The following KMT2C variants were observed in gnomAD, a reference collection of about 807,000 sequenced individuals.
KMT2C encodes the protein lysine methyltransferase 2C.
Under a neutral mutation model 507.9 loss-of-function variants are expected in KMT2C, and 88 were observed. That is an observed-to-expected ratio of 0.17 (90% CI 0.15 to 0.21). KMT2C has a LOEUF of 0.21. Ranked by LOEUF, KMT2C falls within the 10% of genes least tolerant of loss-of-function variation. The pLI is 1.00. For synonymous variants in KMT2C, 2,049 were observed against 2,080.8 expected, an observed-to-expected ratio of 0.98 and a Z score of 0.42; for missense variants, 4,954 against 5,957.8, an observed-to-expected ratio of 0.83 and a Z score of 5.55.
chr7:152,154,321 G>A lies in KMT2C; in HGVS notation c.12085C>T (p.Pro4029Ser), dbSNP rs759125529. ...ATGATGGGGGACGGCACCGGTTCTG[G>A]AGGCTCCTCCTTGACCAATGACAGA... is the stretch of plus-strand genomic sequence containing the variant. ...PDLSLVKEEPPEPVPSPIIPI... is the reference protein window; with the variant it reads ...PDLSLVKEEPSEPVPSPIIPI... Residue 4029 changes from proline to serine, a missense_variant, in exon 47 of 59, where the codon CCA (proline) becomes TCA (serine). This residue lies in a region of KMT2C where 417 missense variants were observed against 461.1 expected (regional missense o/e 0.90). Transcript: ENST00000262189. 1 of 1,614,180 alleles carries A rather than the reference G, an allele frequency of 6.2e-7. No individual in the cohort carries two copies. Among genetic ancestry groups the A allele is most frequent in the East Asian group, 2.2e-5 (1 of 44,882 alleles).
chr7:152,435,182 GC>G (rs1590047795), intron 1 of KMT2C, among the ~76,000 whole-genome samples: 2 of 152,100 alleles, frequency 1.3e-5, no homozygotes, highest in East Asian at 3.9e-4. Flanking sequence ...AGACCACCTG[GC>G]CCGGGCGTTT....
intron 6 of KMT2C, among the ~76,000 whole-genome samples, chr7:152,302,878 A>G (rs1221135925): frequency 1.3e-5 from 2 of 152,024 alleles, no homozygotes; most frequent in Non-Finnish European, 2.9e-5. Context: ...TCCTGACCTC[A>G]GGTGATCCAC....
chr7:152,166,826 T>G (rs2092751822), intron 42 of KMT2C, among the ~76,000 whole-genome samples: 1 of 152,218 alleles, frequency 6.6e-6, no homozygotes, highest in Admixed American at 6.5e-5. Flanking sequence ...TTTGCAGTGA[T>G]TTCTTAGTGC....
chr7:152,339,619 G>T (rs988939855), intron 2 of KMT2C, among the ~76,000 whole-genome samples: 1 of 151,888 alleles, frequency 6.6e-6, no homozygotes, highest in Admixed American at 6.6e-5. Context: ...AGAGTCCATG[G>T]ATTACATCAT....
chr7:152,242,266 G>A (rs187367410), intron 14 of KMT2C, among the ~76,000 whole-genome samples: 2 of 152,070 alleles, frequency 1.3e-5, no homozygotes, highest in Admixed American at 1.3e-4. Context: ...TTTCTGCTGA[G>A]CATCTATTAT....
intron 3 of KMT2C, among the ~76,000 whole-genome samples, chr7:152,318,764 G>C (rs1793455439): frequency 6.6e-6 from 1 of 151,986 alleles, no homozygotes; most frequent in Non-Finnish European, 1.5e-5. Flanking sequence ...AAGGAAGTTT[G>C]AGTGGCAATA....
At chr7:152,429,606 T>C (rs1414847518) in intron 1 of KMT2C, among the ~76,000 whole-genome samples, 2 of 151,788 alleles carry the variant, frequency 1.3e-5, no homozygotes, top group Non-Finnish European at 1.5e-5. Flanking sequence ...CTGCAACCTC[T>C]GCCTCCTGGG....
chr7:152,201,616 TG>T (rs1563370218), intron 26 of KMT2C, among the ~76,000 whole-genome samples: 1 of 10,686 alleles, frequency 9.4e-5, no homozygotes, highest in Non-Finnish European at 2.1e-4. Context: ...ACAACAAAGA[TG>T]AAAAAAAAAA....
intron 1 of KMT2C, among the ~76,000 whole-genome samples, chr7:152,364,629 A>AAAAAAAAAAAAG (rs1554679999): frequency 1.4e-5 from 2 of 147,652 alleles, no homozygotes; most frequent in African/African-American, 5.2e-5. Context: ...AAGAAAAGAA[A>AAAAAAAAAAAAG]AAAAGAAAAA....
intron 9 of KMT2C, among the ~76,000 whole-genome samples, chr7:152,257,596 A>G (rs1192319923): frequency 6.6e-6 from 1 of 152,232 alleles, no homozygotes; most frequent in Non-Finnish European, 1.5e-5. Flanking sequence ...TGATGTTGCT[A>G]CAACCCAGAA....
intron 3 of KMT2C, among the ~76,000 whole-genome samples, chr7:152,318,774 A>G (rs2096745560): frequency 6.6e-6 from 1 of 152,168 alleles, no homozygotes. Flanking sequence ...GAGTGGCAAT[A>G]ATTTTATCAG....
At chr7:152,150,866 A>G (rs762577031) in intron 51 of KMT2C, 34 bp downstream of exon 51, 96 of 1,380,830 alleles carry the variant, frequency 7.0e-5, no homozygotes, top group Non-Finnish European at 9.2e-5. Context: ...CACTCGTTAC[A>G]CATTGTTATC....
At position 152,358,680 on chromosome 7, in the gene KMT2C, A is replaced by C. The variant is rs767741737; in HGVS notation, c.162-5T>G. On this transcript the variant is annotated splice_polypyrimidine_tract_variant and splice_region_variant and intron_variant, in intron 1 of 58. Transcript: ENST00000262189. ...GTTTTCCCCCTACTTCGAGGTCTACAGAAAAAAAAAAAAATAATAAGTACA... is the reference window on the plus strand; with the variant it reads ...GTTTTCCCCCTACTTCGAGGTCTACCGAAAAAAAAAAAAATAATAAGTACA... 5 of 1,555,494 alleles carry C rather than the reference A, an allele frequency of 3.2e-6. No homozygotes were observed. Among genetic ancestry groups the C allele is most frequent in the Non-Finnish European group, 4.4e-6 (5 of 1,135,648 alleles).
At chr7:152,158,310 C>T (rs2092215977) in intron 44 of KMT2C, among the ~76,000 whole-genome samples, 1 of 152,158 alleles carries the variant, frequency 6.6e-6, no homozygotes, top group South Asian at 2.1e-4. Flanking sequence ...CAACAAAGTA[C>T]TGAGGACAGA....
intron 1 of KMT2C, among the ~76,000 whole-genome samples, chr7:152,387,045 A>G (rs1438031466): frequency 6.6e-6 from 1 of 152,174 alleles, no homozygotes; most frequent in African/African-American, 2.4e-5. Context: ...TTTAAAGTAA[A>G]AAGATATAAA....
chr7:152,399,452 G>A (rs2097557870), intron 1 of KMT2C, among the ~76,000 whole-genome samples: 1 of 152,102 alleles, frequency 6.6e-6, no homozygotes, highest in Non-Finnish European at 1.5e-5. Context: ...TGGGAGAGAG[G>A]AAACTAGTGA....
intron 6 of KMT2C, among the ~76,000 whole-genome samples, chr7:152,291,721 C>G (rs569663840): frequency 8.6e-4 from 131 of 152,348 alleles, no homozygotes; most frequent in Non-Finnish European, 1.6e-3. Flanking sequence ...ACCTATTCAT[C>G]CATCAAAAGC....
intron 6 of KMT2C, among the ~76,000 whole-genome samples, chr7:152,277,524 G>C (rs112407479): frequency 6.6e-6 from 1 of 152,074 alleles, no homozygotes; most frequent in African/African-American, 2.4e-5. Context: ...ACCTAAAACC[G>C]AAAGAGTCAT....
rs556097897 is a variant in KMT2C at position 152,426,623 on chromosome 7, A to G, written c.161+9003T>C. Among the ~76,000 whole-genome samples, 33 of 152,326 alleles carry G rather than the reference A, an allele frequency of 2.2e-4. No homozygotes were observed. In the South Asian group the frequency reaches 6.6e-3, roughly 31 times the overall value. On this transcript the variant is annotated intron_variant, in intron 1 of 58. Coordinates refer to ENST00000262189, the MANE Select transcript of KMT2C (RefSeq NM_170606.3). Reference sequence around the variant, plus strand: ...ATAACAGGCAACTGATTGATAATTGATGATTAGTGGCAATGACAGTAACAA... The same window carrying G: ...ATAACAGGCAACTGATTGATAATTGGTGATTAGTGGCAATGACAGTAACAA...
Sources: allele counts gnomAD v4.1 joint callset (sites outside exome capture counted in the v4.1 genomes callset), GRCh38; gene constraint gnomAD v4.1.1; regional missense constraint gnomAD v4.1.1; transcripts MANE v1.5; gene names NCBI Gene and HGNC (gene_info 2026-07-23, HGNC 2026-07-21).